WWOX: variants seen among roughly 807,000 people sequenced by gnomAD.
WWOX encodes WW domain-containing oxidoreductase.
Under a neutral mutation model 46.2 loss-of-function variants are expected in WWOX, and 69 were observed. The ratio of observed to expected loss-of-function variants is 1.49; its 90% CI spans 1.23 to 1.82. WWOX has a LOEUF of 1.82. Ranked by LOEUF, WWOX falls within the 40% of genes most tolerant of loss-of-function variation. The pLI is 0.00. For synonymous variants in WWOX, 359 were observed against 202.6 expected (o/e 1.77, Z -6.56); for missense variants, 919 against 542.6 (o/e 1.69, Z -6.89).
intron 6 of WWOX, among the ~76,000 whole-genome samples, chr16:78,409,866 G>A (rs1466686040): frequency 2.6e-5 from 4 of 152,102 alleles, no homozygotes; most frequent in South Asian, 2.1e-4. Flanking sequence ...AGCCACAATC[G>A]GGAAAGGATC....
At chr16:78,616,497 C>G (rs2046028353) in intron 8 of WWOX, among the ~76,000 whole-genome samples, 1 of 149,986 alleles carries the variant, frequency 6.7e-6, no homozygotes. Flanking sequence ...AGTGGTGGCT[C>G]ACACCTGTAA....
At chr16:78,288,297 A>G (rs1485722126) in intron 5 of WWOX, among the ~76,000 whole-genome samples, 2 of 147,624 alleles carry the variant, frequency 1.4e-5, no homozygotes, top group East Asian at 2.0e-4. Flanking sequence ...TTAACAGCAC[A>G]TACATATATG....
At chr16:78,756,982 G>C (rs181718468) in intron 8 of WWOX, 112 of 702,814 alleles carry the variant, frequency 1.6e-4, no homozygotes, top group Non-Finnish European at 2.3e-4. Flanking sequence ...AAGCATACCC[G>C]TGTAGAAGAA....
At chr16:78,914,816 T>A (rs79488959) in intron 8 of WWOX, among the ~76,000 whole-genome samples, 68,186 of 147,904 alleles carry the variant, frequency 0.46, 16,740 homozygotes, top group South Asian at 0.57. Context: ...GAGGCGGAGC[T>A]TGCAGTGAGC....
chr16:78,408,225 C>T (rs906075749), intron 6 of WWOX, among the ~76,000 whole-genome samples: 11 of 152,296 alleles, frequency 7.2e-5, no homozygotes, highest in African/African-American at 2.4e-4. Context: ...CCACCTTTCA[C>T]CTATTTTACA....
intron 8 of WWOX, 95 bp downstream of exon 8, chr16:78,432,847 C>G: frequency 1.9e-6 from 3 of 1,572,414 alleles, no homozygotes; most frequent in Non-Finnish European, 1.7e-6. Flanking sequence ...GGGCATGAGT[C>G]TGGTCTCAGT....
chr16:78,261,817 T>TATATATATATATATATATATAC, intron 5 of WWOX, among the ~76,000 whole-genome samples: 1 of 146,158 alleles, frequency 6.8e-6, no homozygotes, highest in African/African-American at 2.5e-5. Flanking sequence ...TATATATATA[T>TATATATATATATATATATATAC]ACTTATAATG....
chr16:78,835,420 G>A (rs8062838), intron 8 of WWOX, among the ~76,000 whole-genome samples: 1 of 152,116 alleles, frequency 6.6e-6, no homozygotes, highest in Non-Finnish European at 1.5e-5. Context: ...ACTTTAAAGG[G>A]GAAATATTCC....
At chr16:78,267,938 C>G (rs1251631875) in intron 5 of WWOX, among the ~76,000 whole-genome samples, 1 of 152,206 alleles carries the variant, frequency 6.6e-6, no homozygotes, top group Non-Finnish European at 1.5e-5. Flanking sequence ...CCACCTCAGC[C>G]TCCTGAGTAG....
At chr16:78,184,076 T>C (rs138131010) in intron 5 of WWOX, among the ~76,000 whole-genome samples, 32 of 152,300 alleles carry the variant, frequency 2.1e-4, no homozygotes, top group African/African-American at 7.0e-4. Context: ...GATTCCATGC[T>C]TGGCACAGAC....
intron 8 of WWOX, among the ~76,000 whole-genome samples, chr16:78,771,068 C>G (rs113067602): frequency 6.6e-6 from 1 of 152,138 alleles, no homozygotes; most frequent in African/African-American, 2.4e-5. Flanking sequence ...TCAGGTCAGC[C>G]GGCATGGCAT....
intron 4 of WWOX, among the ~76,000 whole-genome samples, chr16:78,162,516 A>C (rs2034829138): frequency 6.6e-6 from 1 of 151,868 alleles, no homozygotes; most frequent in African/African-American, 2.4e-5. Flanking sequence ...TGTAGCTTGC[A>C]CATATATATA....
intron 8 of WWOX, among the ~76,000 whole-genome samples, chr16:78,764,764 A>G (rs902565237): frequency 4.0e-5 from 6 of 151,592 alleles, no homozygotes; most frequent in Non-Finnish European, 5.9e-5. Context: ...TACTGCTTGC[A>G]AAGTTTCTAG....
intron 8 of WWOX, among the ~76,000 whole-genome samples, chr16:78,713,613 A>G (rs1215070817): frequency 2.0e-5 from 3 of 152,176 alleles, no homozygotes; most frequent in Non-Finnish European, 4.4e-5. Flanking sequence ...CAGAGACACC[A>G]GGAATTCATA....
intron 8 of WWOX, among the ~76,000 whole-genome samples, chr16:78,561,047 CTG>C (rs1227410487): frequency 6.6e-6 from 1 of 152,160 alleles, no homozygotes; most frequent in Non-Finnish European, 1.5e-5. Flanking sequence ...CCTGCATGCT[CTG>C]TGGAAGAATC....
chr16:78,375,374 T>G (rs2081794679), intron 5 of WWOX, among the ~76,000 whole-genome samples: 1 of 152,244 alleles, frequency 6.6e-6, no homozygotes, highest in South Asian at 2.1e-4. Context: ...GCTGCCACTA[T>G]GAGTAGCCTA....
intron 8 of WWOX, among the ~76,000 whole-genome samples, chr16:79,191,467 A>G (rs1467368383): frequency 1.3e-5 from 2 of 152,022 alleles, no homozygotes; most frequent in Admixed American, 6.6e-5. Context: ...CATTTTGCTT[A>G]TTTCAAAGTA....
intron 8 of WWOX, among the ~76,000 whole-genome samples, chr16:79,162,655 A>G (rs945692719): frequency 6.6e-6 from 1 of 152,176 alleles, no homozygotes; most frequent in Admixed American, 6.5e-5. Context: ...TTCTGCTTTC[A>G]TCCTTATGCT....
chr16:78,131,084 A>G (rs2033574367), intron 4 of WWOX, among the ~76,000 whole-genome samples: 1 of 152,238 alleles, frequency 6.6e-6, no homozygotes, highest in Admixed American at 6.5e-5. Context: ...CAGAAGTGGT[A>G]CAGTAAAAAT....
Sources: gnomAD v4.1 joint callset for allele counts (sites outside exome capture counted in the v4.1 genomes callset) on GRCh38, gnomAD v4.1.1 for gene constraint, MANE v1.5 for transcripts, NCBI Gene and HGNC (gene_info 2026-07-23, HGNC 2026-07-21) for gene names.